STPG2: variants seen among roughly 807,000 people sequenced by gnomAD.
STPG2 encodes the protein sperm tail PG-rich repeat containing 2.
Under a neutral mutation model 54.2 loss-of-function variants are expected in STPG2, and 56 were observed. The observed-to-expected ratio is 1.03, with a 90% confidence interval of 0.83 to 1.29. The LOEUF (loss-of-function observed/expected upper bound fraction) is 1.29, where lower values mean the gene tolerates loss of function less well. Among genes scored for constraint, STPG2 ranks in the 50% most tolerant of loss-of-function variants. The probability of loss-of-function intolerance (pLI) is 0.00; values close to 1 mark genes in which losing one functional copy is unlikely to be tolerated. For synonymous variants in STPG2, 200 were observed against 181.8 expected (o/e 1.10, Z -0.81); for missense variants, 596 against 544.9 (o/e 1.09, Z -0.93).
At chr4:98,061,601 T>G (rs1036119815) in intron 5 of STPG2, among the ~76,000 whole-genome samples, 2 of 130,730 alleles carry the variant, frequency 1.5e-5, no homozygotes, top group African/African-American at 2.9e-5. Context: ...TAAACAAATT[T>G]ACAAGAAAAA....
At chr4:97,493,719 C>A (rs570042848) in intron 4 of STPG2, among the ~76,000 whole-genome samples, 2 of 151,316 alleles carry the variant, frequency 1.3e-5, no homozygotes, top group South Asian at 2.1e-4. Context: ...ACATAAGAAA[C>A]GAGATGTACT....
At chr4:97,908,252 A>G (rs1731527321) in intron 8 of STPG2, among the ~76,000 whole-genome samples, 1 of 152,300 alleles carries the variant, frequency 6.6e-6, no homozygotes, top group Non-Finnish European at 1.5e-5. Context: ...CAGCCAAAAA[A>G]CACATGAAAA....
At chr4:97,942,842 T>C (rs1733042771) in intron 8 of STPG2, among the ~76,000 whole-genome samples, 2 of 152,230 alleles carry the variant, frequency 1.3e-5, no homozygotes, top group Non-Finnish European at 2.9e-5. Flanking sequence ...TGTTTAATAA[T>C]CCTGTTTTGA....
intron 5 of STPG2, among the ~76,000 whole-genome samples, chr4:98,030,870 T>C (rs1382480545): frequency 2.0e-5 from 3 of 152,028 alleles, no homozygotes; most frequent in Admixed American, 2.0e-4. Context: ...CTTTACACAA[T>C]GTACAAAAAT....
intron 8 of STPG2, among the ~76,000 whole-genome samples, chr4:97,880,295 T>C (rs1466895868): frequency 1.3e-5 from 2 of 152,200 alleles, no homozygotes; most frequent in Non-Finnish European, 2.9e-5. Context: ...TTGAAGCTTC[T>C]CATTTTGCAT....
chr4:97,696,015 C>A (rs1723559135), intron 10 of STPG2, among the ~76,000 whole-genome samples: 1 of 151,816 alleles, frequency 6.6e-6, no homozygotes, highest in African/African-American at 2.4e-5. Context: ...GAAAAAAAAA[C>A]CTAAATTTCA....
At chr4:97,639,950 T>C (rs1354698993) in intron 10 of STPG2, among the ~76,000 whole-genome samples, 3 of 152,130 alleles carry the variant, frequency 2.0e-5, no homozygotes, top group Admixed American at 6.6e-5. Context: ...ATATAGTAAC[T>C]TATTTAACAT....
chr4:97,887,534 C>T (rs1387692239), intron 8 of STPG2, among the ~76,000 whole-genome samples: 2 of 152,234 alleles, frequency 1.3e-5, no homozygotes, highest in East Asian at 3.9e-4. Context: ...ACAAAGTATT[C>T]AAGATGTGGC....
At chr4:97,882,730 C>T (rs989397511) in intron 8 of STPG2, among the ~76,000 whole-genome samples, 3 of 152,046 alleles carry the variant, frequency 2.0e-5, no homozygotes, top group Admixed American at 6.6e-5. Context: ...ATGAAACTAG[C>T]AATGCACTGA....
chr4:97,657,177 TA>T (rs1262148198), intron 10 of STPG2, among the ~76,000 whole-genome samples: 9 of 152,064 alleles, frequency 5.9e-5, no homozygotes, highest in South Asian at 2.1e-4. Context: ...TTTAATGGAA[TA>T]AAAAAATAAA....
chr4:98,136,190 A>G (rs7678564), intron 1 of STPG2, among the ~76,000 whole-genome samples: 59,718 of 151,290 alleles, frequency 0.39, 12,013 homozygotes, highest in Middle Eastern at 0.45. Flanking sequence ...AAAATACACT[A>G]GATGAAATTA....
intron 5 of STPG2, among the ~76,000 whole-genome samples, chr4:98,095,956 A>C (rs2110131005): frequency 6.6e-6 from 1 of 152,346 alleles, no homozygotes; most frequent in East Asian, 1.9e-4. Context: ...AAATCATATC[A>C]AGTATTTTCT....
intron 8 of STPG2, among the ~76,000 whole-genome samples, chr4:97,913,140 A>T (rs1731745693): frequency 6.6e-6 from 1 of 152,228 alleles, no homozygotes; most frequent in Non-Finnish European, 1.5e-5. Context: ...GAAAATTCAG[A>T]GTTGTGACAG....
chr4:97,472,105 CT>C (rs144120473), intron 4 of STPG2, among the ~76,000 whole-genome samples: 4,185 of 152,280 alleles, frequency 0.027, 127 homozygotes, highest in African/African-American at 0.082. Flanking sequence ...ATCAACAACT[CT>C]TTCTTAGTTT....
chr4:97,715,367 T>C (rs1169065639), intron 9 of STPG2, among the ~76,000 whole-genome samples: 1 of 152,116 alleles, frequency 6.6e-6, no homozygotes, highest in Admixed American at 6.6e-5. Context: ...TCATGGCTAG[T>C]GTATAATGGG....
At chr4:98,122,749 A>G (rs890496406) in intron 3 of STPG2, among the ~76,000 whole-genome samples, 1 of 152,154 alleles carries the variant, frequency 6.6e-6, no homozygotes, top group Non-Finnish European at 1.5e-5. Flanking sequence ...TAGTTTCAGA[A>G]GAAGTAGTAT....
At chr4:98,062,341 A>G (rs1180798302) in intron 5 of STPG2, among the ~76,000 whole-genome samples, 1 of 152,148 alleles carries the variant, frequency 6.6e-6, no homozygotes, top group Non-Finnish European at 1.5e-5. Flanking sequence ...AAAGACAACT[A>G]TTGGGTACTG....
At chr4:97,624,647 T>A (rs574764957) in intron 10 of STPG2, among the ~76,000 whole-genome samples, 2 of 152,200 alleles carry the variant, frequency 1.3e-5, no homozygotes, top group Non-Finnish European at 2.9e-5. Context: ...TGTCAATTTT[T>A]GTTTTTGTTG....
intron 4 of STPG2, among the ~76,000 whole-genome samples, chr4:97,443,585 T>A (rs374235433): frequency 2.6e-5 from 4 of 152,102 alleles, no homozygotes; most frequent in African/African-American, 4.8e-5. Context: ...AAGAGAAGGT[T>A]ATACTCTAAA....
Sources: allele counts gnomAD v4.1 joint callset (sites outside exome capture counted in the v4.1 genomes callset), GRCh38; gene constraint gnomAD v4.1.1; transcripts MANE v1.5; gene names NCBI Gene and HGNC (gene_info 2026-07-23, HGNC 2026-07-21).